GRIK2: variants seen among roughly 807,000 people sequenced by gnomAD.
GRIK2 encodes glutamate receptor ionotropic, kainate 2.
GRIK2 carries 32 observed loss-of-function variants against 100.3 expected under a neutral mutation model. That is an observed-to-expected ratio of 0.32 (90% confidence interval 0.24 to 0.43). The LOEUF is 0.43. Among genes scored for constraint, GRIK2 ranks in the 20% least tolerant of loss-of-function variants. GRIK2 has a pLI of 1.00. For synonymous variants in GRIK2, 417 were observed against 389.4 expected (o/e 1.07, Z -0.83); for missense variants, 843 against 1,114.9 (o/e 0.76, Z 3.47).
intron 7 of GRIK2, among the ~76,000 whole-genome samples, chr6:101,779,740 A>T (rs1562379037): frequency 6.6e-6 from 1 of 152,066 alleles, no homozygotes; most frequent in Admixed American, 6.5e-5. Context: ...GAGGGAACAG[A>T]TATTCTCTTC....
intron 7 of GRIK2, among the ~76,000 whole-genome samples, chr6:101,792,607 G>C (rs970547468): frequency 6.6e-6 from 1 of 152,078 alleles, no homozygotes; most frequent in Non-Finnish European, 1.5e-5. Flanking sequence ...CCCTTTGAGG[G>C]TAACCCGACC....
intron 14 of GRIK2, among the ~76,000 whole-genome samples, chr6:101,930,868 C>T (rs181458682): frequency 3.9e-5 from 6 of 152,132 alleles, no homozygotes; most frequent in East Asian, 1.9e-4. Context: ...GCCTCTAGCA[C>T]CTTGAGAAAG....
chr6:101,490,409 G>A (rs889039099), intron 2 of GRIK2, among the ~76,000 whole-genome samples: 4 of 146,558 alleles, frequency 2.7e-5, no homozygotes, highest in Admixed American at 2.0e-4. Flanking sequence ...CCTACCCTGT[G>A]CTCTTAACCT....
At chr6:101,916,806 T>G (rs1212295143) in intron 12 of GRIK2, among the ~76,000 whole-genome samples, 1 of 151,756 alleles carries the variant, frequency 6.6e-6, no homozygotes. Flanking sequence ...CATCAGGTGA[T>G]GTTATTATTC....
chr6:101,397,211 A>G (rs1048408958), intron 1 of GRIK2, among the ~76,000 whole-genome samples: 5 of 152,230 alleles, frequency 3.3e-5, no homozygotes, highest in African/African-American at 1.2e-4. Context: ...GGTAGTAGAT[A>G]TCAGTTATAT....
intron 2 of GRIK2, among the ~76,000 whole-genome samples, chr6:101,575,270 A>G (rs1777741167): frequency 6.6e-6 from 1 of 151,974 alleles, no homozygotes; most frequent in Non-Finnish European, 1.5e-5. Context: ...TACAATTTAT[A>G]GATATAATAC....
intron 2 of GRIK2, among the ~76,000 whole-genome samples, chr6:101,413,313 G>A (rs1775968776): frequency 6.6e-6 from 1 of 151,966 alleles, no homozygotes; most frequent in African/African-American, 2.4e-5. Context: ...GAGAGATGAA[G>A]TTAAATTTAT....
intron 2 of GRIK2, among the ~76,000 whole-genome samples, chr6:101,577,241 A>G (rs903986513): frequency 6.6e-6 from 1 of 151,750 alleles, no homozygotes; most frequent in Non-Finnish European, 1.5e-5. Context: ...TAATTACTTG[A>G]CCCTTTTTGC....
At chr6:101,717,330 CT>C (rs67108614) in intron 7 of GRIK2, among the ~76,000 whole-genome samples, 30,143 of 151,526 alleles carry the variant, frequency 0.2, 3,413 homozygotes, top group East Asian at 0.42. Context: ...AATAATAACA[CT>C]TTTTTTTAAA....
At chr6:101,490,134 AACATAG>A (rs1294626162) in intron 2 of GRIK2, among the ~76,000 whole-genome samples, 1 of 144,258 alleles carries the variant, frequency 6.9e-6, no homozygotes, top group Non-Finnish European at 1.5e-5. Flanking sequence ...AGAAGAATGA[AACATAG>A]ACATACAGAG....
rs542562261 is a variant in GRIK2, at chr6:101,600,710, C to G, written c.116-21239C>G. Among the ~76,000 whole-genome samples the G allele has an allele frequency of 5.9e-5, 9 of 151,674 alleles. No homozygotes were observed. The South Asian group carries it at 1.9e-3, about 31-fold the overall frequency. ...ATTGCATTCTTGACTTGGCTCTCAG[C>G]TTGAACATTATTGGTGTGTAAAATG... On this transcript the variant is annotated intron_variant, in intron 2 of 16. Transcript: ENST00000369134.
intron 2 of GRIK2, among the ~76,000 whole-genome samples, chr6:101,481,791 T>A (rs1772544076): frequency 6.6e-6 from 1 of 152,158 alleles, no homozygotes; most frequent in Non-Finnish European, 1.5e-5. Context: ...CTTCTCCAAT[T>A]GCAATCCCCG....
intron 7 of GRIK2, among the ~76,000 whole-genome samples, chr6:101,785,769 T>C (rs1779383738): frequency 1.3e-5 from 2 of 152,158 alleles, no homozygotes; most frequent in Non-Finnish European, 2.9e-5. Flanking sequence ...CAGCTTTTTT[T>C]CTTTTTGCTC....
At chr6:101,805,829 G>A (rs147517904) in intron 9 of GRIK2, among the ~76,000 whole-genome samples, 1 of 152,118 alleles carries the variant, frequency 6.6e-6, no homozygotes, top group African/African-American at 2.4e-5. Context: ...TAACAGGAAG[G>A]AAGTCTATGC....
chr6:101,963,617 G>A (rs1371230371), intron 14 of GRIK2, among the ~76,000 whole-genome samples: 1 of 147,786 alleles, frequency 6.8e-6, no homozygotes, highest in African/African-American at 2.5e-5. Flanking sequence ...CTCCCAAAGT[G>A]CTGGGATTAC....
At chr6:101,861,395 TAGTC>T (rs750363154) in intron 11 of GRIK2, among the ~76,000 whole-genome samples, 41 of 152,330 alleles carry the variant, frequency 2.7e-4, no homozygotes, top group African/African-American at 8.2e-4. Context: ...AATTTAATCA[TAGTC>T]AGTGAGATCA....
At chr6:101,684,173 A>G (rs1158391189) in intron 6 of GRIK2, among the ~76,000 whole-genome samples, 2 of 152,168 alleles carry the variant, frequency 1.3e-5, no homozygotes, top group Non-Finnish European at 1.5e-5. Flanking sequence ...CTTGTAAGAA[A>G]CTTAGTGGTG....
At chr6:102,031,354 C>A (rs1399766847) in intron 14 of GRIK2, among the ~76,000 whole-genome samples, 1 of 151,214 alleles carries the variant, frequency 6.6e-6, no homozygotes, top group Admixed American at 6.6e-5. Context: ...TTTGTTCTTG[C>A]ATGTTAACTA....
chr6:101,868,997 G>A (rs910301606), intron 11 of GRIK2, among the ~76,000 whole-genome samples: 9 of 151,912 alleles, frequency 5.9e-5, no homozygotes, highest in African/African-American at 9.7e-5. Flanking sequence ...GGAAACATGA[G>A]GGAGTATATC....
Sources: gnomAD v4.1 joint callset for allele counts (sites outside exome capture counted in the v4.1 genomes callset) on GRCh38, gnomAD v4.1.1 for gene constraint, MANE v1.5 for transcripts, NCBI Gene and HGNC (gene_info 2026-07-23, HGNC 2026-07-21) for gene names.